The following MAMDC2 variants were observed in gnomAD, a reference collection of about 807,000 sequenced individuals.
MAMDC2 encodes MAM domain containing 2.
Under a neutral mutation model 89.8 loss-of-function variants are expected in MAMDC2, and 57 were observed. That is an observed-to-expected ratio of 0.63 (90% CI 0.51 to 0.79). MAMDC2 has a LOEUF of 0.79. Ranked by LOEUF, MAMDC2 falls within the 30% of genes least tolerant of loss-of-function variation. The probability of loss-of-function intolerance (pLI) is 0.00; values close to 1 mark genes in which losing one functional copy is unlikely to be tolerated. For synonymous variants in MAMDC2, 313 were observed against 293.4 expected (o/e 1.07, Z -0.68); for missense variants, 800 against 820.6 (o/e 0.97, Z 0.31).
At chr9:70,050,085 A>G (rs1826858719) in intron 2 of MAMDC2, among the ~76,000 whole-genome samples, 1 of 152,196 alleles carries the variant, frequency 6.6e-6, no homozygotes, top group Non-Finnish European at 1.5e-5. Context: ...ATTATATTTC[A>G]GACATGTGGA....
At chr9:70,149,659 G>A (rs1315924036) in intron 9 of MAMDC2, among the ~76,000 whole-genome samples, 1 of 152,204 alleles carries the variant, frequency 6.6e-6, no homozygotes, top group Non-Finnish European at 1.5e-5. Flanking sequence ...ATTCCTGAAG[G>A]ATCAGTTGGG....
chr9:70,117,796 T>C (rs2118298407), intron 5 of MAMDC2, among the ~76,000 whole-genome samples: 1 of 152,314 alleles, frequency 6.6e-6, no homozygotes, highest in African/African-American at 2.4e-5. Context: ...TAAACAGATT[T>C]CTTTATTTCA....
chr9:70,062,727 G>T (rs1827176868), intron 2 of MAMDC2: 1 of 152,216 alleles, frequency 6.6e-6, no homozygotes, highest in African/African-American at 2.4e-5. Flanking sequence ...GATCACCAGG[G>T]TTGGAGCTCT....
At chr9:70,044,347 GA>G in intron 1 of MAMDC2, 116 bp downstream of exon 1, 2 of 1,193,610 alleles carry the variant, frequency 1.7e-6, no homozygotes, top group Non-Finnish European at 2.4e-6. Flanking sequence ...GGCGCCTCCT[GA>G]TCCTCCGCAG....
chr9:70,139,652 A>G (rs1014465919), intron 7 of MAMDC2, among the ~76,000 whole-genome samples: 3 of 152,246 alleles, frequency 2.0e-5, no homozygotes, highest in South Asian at 2.1e-4. Context: ...GGGATGGCTG[A>G]GTCAATTGGT....
chr9:70,164,131 T>A (rs567506935), intron 9 of MAMDC2, among the ~76,000 whole-genome samples: 1 of 152,114 alleles, frequency 6.6e-6, no homozygotes, highest in African/African-American at 2.4e-5. Flanking sequence ...GAAGAAGTTT[T>A]TGATTGTCAC....
chr9:70,142,364 T>C (rs776417364), intron 8 of MAMDC2, among the ~76,000 whole-genome samples: 3 of 152,050 alleles, frequency 2.0e-5, no homozygotes, highest in Admixed American at 6.5e-5. Flanking sequence ...GAGAGGGAGA[T>C]AGATTCTGGG....
intron 2 of MAMDC2, among the ~76,000 whole-genome samples, chr9:70,100,608 G>A (rs1828162750): frequency 6.6e-6 from 1 of 152,174 alleles, no homozygotes; most frequent in South Asian, 2.1e-4. Flanking sequence ...ATCACATCAG[G>A]AGTAAATATG....
chr9:70,202,853 T>C (rs1454042268), intron 11 of MAMDC2, among the ~76,000 whole-genome samples: 3 of 150,340 alleles, frequency 2.0e-5, no homozygotes, highest in Admixed American at 1.3e-4. Flanking sequence ...TTAAAGTCTG[T>C]TTTATCAGAG....
chr9:70,122,856 CCT>C (rs2030348008), intron 5 of MAMDC2, among the ~76,000 whole-genome samples: 1 of 152,060 alleles, frequency 6.6e-6, no homozygotes, highest in Non-Finnish European at 1.5e-5. Flanking sequence ...AAACCTGACC[CCT>C]GAGGAAGAGG....
chr9:70,108,190 T>C (rs1828391831), intron 2 of MAMDC2, 21 bp from the exon 3 acceptor site: 8 of 1,532,628 alleles, frequency 5.2e-6, no homozygotes, highest in African/African-American at 1.4e-5. Flanking sequence ...ATCCTTTTCC[T>C]ATGTTCCTTT....
intron 7 of MAMDC2, among the ~76,000 whole-genome samples, chr9:70,139,849 A>G (rs895776789): frequency 6.6e-6 from 1 of 151,948 alleles, no homozygotes; most frequent in African/African-American, 2.4e-5. Flanking sequence ...TGTGGTTTTG[A>G]TTTGCATTTC....
At chr9:70,074,244 G>A (rs986559941) in intron 2 of MAMDC2, among the ~76,000 whole-genome samples, 32 of 152,220 alleles carry the variant, frequency 2.1e-4, no homozygotes, top group African/African-American at 7.7e-4. Flanking sequence ...AAGATGGAAA[G>A]TAAAGATAAT....
chr9:70,051,050 C>T (rs1264350787), intron 2 of MAMDC2, among the ~76,000 whole-genome samples: 1 of 152,192 alleles, frequency 6.6e-6, no homozygotes, highest in Non-Finnish European at 1.5e-5. Context: ...AGTGATGGTG[C>T]TGGTGCCTTC....
intron 11 of MAMDC2, among the ~76,000 whole-genome samples, chr9:70,189,605 G>C (rs1367561923): frequency 6.6e-6 from 1 of 152,052 alleles, no homozygotes; most frequent in Non-Finnish European, 1.5e-5. Flanking sequence ...TTTCTTGAAT[G>C]TATAGACTTA....
chr9:70,197,096 A>C (rs2032987504), intron 11 of MAMDC2, among the ~76,000 whole-genome samples: 1 of 152,130 alleles, frequency 6.6e-6, no homozygotes, highest in Non-Finnish European at 1.5e-5. Context: ...ATACAACCTC[A>C]CTGCTTCAGC....
At chr9:70,143,953 T>C (rs1380609183) in intron 9 of MAMDC2, 134 bp downstream of exon 9, 17 of 1,013,214 alleles carry the variant, frequency 1.7e-5, no homozygotes, top group Non-Finnish European at 2.5e-5. Context: ...CCTTACACCC[T>C]ACTCCCAGCC....
chr9:70,106,869 G>A (rs370292809), intron 2 of MAMDC2, among the ~76,000 whole-genome samples: 14 of 152,272 alleles, frequency 9.2e-5, no homozygotes, highest in African/African-American at 1.9e-4. Flanking sequence ...GAGGATGGCC[G>A]TCATCTGAGC....
rs1244631346 is a variant in MAMDC2, at chr9:70,130,799, C to CA, written c.901-713dup. On this transcript the variant is annotated intron_variant, in intron 6 of 13. Coordinates refer to ENST00000377182, the MANE Select transcript of MAMDC2 (RefSeq NM_153267.5). ...AAAAACAAAACAAAACAAAACAAAACAAAAAAACAAAAAAAAACCTGGCCT... is the reference window on the plus strand; with the variant it reads ...AAAAACAAAACAAAACAAAACAAAACAAAAAAAACAAAAAAAAACCTGGCCT... Among the ~76,000 whole-genome samples, 23 of 150,074 alleles carry CA rather than the reference C, an allele frequency of 1.5e-4. No individual in the cohort carries two copies. In the East Asian group the frequency reaches 3.2e-3, roughly 21 times the overall value.
Sources: gnomAD v4.1 joint callset for allele counts (sites outside exome capture counted in the v4.1 genomes callset) on GRCh38, gnomAD v4.1.1 for gene constraint, MANE v1.5 for transcripts, NCBI Gene and HGNC (gene_info 2026-07-23, HGNC 2026-07-21) for gene names.